Variants in KLHL1 observed in about 807,000 individuals in gnomAD.
KLHL1 encodes the protein kelch like family member 1, also known as kelch-like protein 1.
KLHL1 carries 47 observed loss-of-function variants against 77.7 expected under a neutral mutation model. The ratio of observed to expected loss-of-function variants is 0.60; its 90% CI spans 0.48 to 0.77. KLHL1 has a LOEUF of 0.77. Ranked by LOEUF, KLHL1 falls within the 30% of genes least tolerant of loss-of-function variation. The pLI is 0.00. For synonymous variants in KLHL1, 360 were observed against 325.2 expected (o/e 1.11, Z -1.15); for missense variants, 925 against 910.8 (o/e 1.02, Z -0.20).
Position 69,821,915 on chromosome 13 carries a change from C to T in KLHL1, c.1414+17061G>A, listed in dbSNP as rs115379648. On this transcript the variant is annotated intron_variant, in intron 6 of 10. Coordinates refer to ENST00000377844, the MANE Select transcript of KLHL1 (RefSeq NM_020866.3). ...TGTTCACTAGCACTAAAAACAGTGA[C>T]TAGGCCAGGCCCAGTGGCTCATGCC... Among the ~76,000 whole-genome samples the T allele has an allele frequency of 4.8e-3, 730 of 152,152 alleles. 7 individuals are homozygous for T. The highest frequency in any genetic ancestry group is 0.017 in the African/African-American group (693 of 41,518).
At chr13:69,781,525 C>CTGA (rs1279721317) in intron 7 of KLHL1, among the ~76,000 whole-genome samples, 1 of 152,122 alleles carries the variant, frequency 6.6e-6, no homozygotes, top group Non-Finnish European at 1.5e-5. Flanking sequence ...TCATATCCAT[C>CTGA]TGATTCTCAT....
chr13:70,101,483 C>G (rs1887922374), intron 1 of KLHL1, among the ~76,000 whole-genome samples: 1 of 152,156 alleles, frequency 6.6e-6, no homozygotes, highest in Non-Finnish European at 1.5e-5. Flanking sequence ...GGCTGGAGTG[C>G]AGTGGCGCGA....
chr13:69,939,105 A>G (rs2138297764), intron 4 of KLHL1, among the ~76,000 whole-genome samples: 1 of 151,522 alleles, frequency 6.6e-6, no homozygotes, highest in East Asian at 1.9e-4. Flanking sequence ...TAGCATTGAT[A>G]CAGGGCGTCT....
chr13:69,920,773 T>C (rs1266906409), intron 4 of KLHL1, among the ~76,000 whole-genome samples: 1 of 151,846 alleles, frequency 6.6e-6, no homozygotes, highest in Non-Finnish European at 1.5e-5. Flanking sequence ...TTAAGAAAAA[T>C]AAGAGAAGGT....
intron 1 of KLHL1, among the ~76,000 whole-genome samples, chr13:70,020,608 A>G (rs1452424914): frequency 6.6e-6 from 1 of 152,030 alleles, no homozygotes; most frequent in African/African-American, 2.4e-5. Context: ...GACTACCTGG[A>G]GAGCAGAAGC....
intron 1 of KLHL1, among the ~76,000 whole-genome samples, chr13:70,029,786 C>G (rs1048308980): frequency 1.3e-5 from 2 of 152,112 alleles, no homozygotes; most frequent in African/African-American, 4.8e-5. Flanking sequence ...GCTAAATGCT[C>G]CAATTAAAAG....
At chr13:69,983,606 G>C (rs892208210) in intron 1 of KLHL1, among the ~76,000 whole-genome samples, 1 of 99,060 alleles carries the variant, frequency 1.0e-5, no homozygotes, top group Non-Finnish European at 2.0e-5. Flanking sequence ...AAGAAGAAGA[G>C]AAAAAAAAAA....
At chr13:70,098,145 G>C (rs1408869167) in intron 1 of KLHL1, among the ~76,000 whole-genome samples, 1 of 151,654 alleles carries the variant, frequency 6.6e-6, no homozygotes, top group East Asian at 1.9e-4. Flanking sequence ...TAGCTCAACT[G>C]TTATGGTATG....
chr13:69,988,339 C>A (rs1489716133), intron 1 of KLHL1, among the ~76,000 whole-genome samples: 1 of 152,006 alleles, frequency 6.6e-6, no homozygotes, highest in Non-Finnish European at 1.5e-5. Context: ...GTATATGTAC[C>A]ACATTGTCTT....
chr13:70,100,382 G>T (rs940675432), intron 1 of KLHL1, among the ~76,000 whole-genome samples: 1 of 151,842 alleles, frequency 6.6e-6, no homozygotes, highest in South Asian at 2.1e-4. Flanking sequence ...ATCCTGCCAC[G>T]TTGCTAAGCT....
chr13:70,085,314 T>G (rs1887509490), intron 1 of KLHL1, among the ~76,000 whole-genome samples: 1 of 152,146 alleles, frequency 6.6e-6, no homozygotes. Flanking sequence ...TCATTTTTAT[T>G]GCATTTTAAA....
chr13:69,818,670 T>C (rs1878221314), intron 6 of KLHL1, among the ~76,000 whole-genome samples: 1 of 152,162 alleles, frequency 6.6e-6, no homozygotes, highest in Non-Finnish European at 1.5e-5. Context: ...AAATTCTTTG[T>C]GTGTGAAATG....
chr13:70,026,098 G>A (rs1487766476), intron 1 of KLHL1, among the ~76,000 whole-genome samples: 1 of 152,048 alleles, frequency 6.6e-6, no homozygotes, highest in Non-Finnish European at 1.5e-5. Context: ...CCATTTTTTA[G>A]TGTGTTAAAA....
chr13:69,791,838 C>T (rs888686702), intron 7 of KLHL1, among the ~76,000 whole-genome samples: 17 of 152,056 alleles, frequency 1.1e-4, no homozygotes, highest in African/African-American at 4.1e-4. Flanking sequence ...AAAAAGACAA[C>T]ACAGGCATAA....
chr13:69,805,494 T>C (rs1403751343), intron 6 of KLHL1, among the ~76,000 whole-genome samples: 1 of 151,652 alleles, frequency 6.6e-6, no homozygotes, highest in Non-Finnish European at 1.5e-5. Context: ...ACCTTTAAAA[T>C]CTTAGAAAAA....
chr13:69,993,135 C>T (rs1885066796), intron 1 of KLHL1, among the ~76,000 whole-genome samples: 1 of 151,936 alleles, frequency 6.6e-6, no homozygotes, highest in African/African-American at 2.4e-5. Context: ...CCCCTATTGA[C>T]TTCAATAGGA....
chr13:69,916,220 C>A (rs952878518), intron 4 of KLHL1, among the ~76,000 whole-genome samples: 3 of 152,068 alleles, frequency 2.0e-5, no homozygotes, highest in African/African-American at 7.2e-5. Context: ...TACCATTTGA[C>A]CCAGCCATCC....
At chr13:69,954,229 G>T (rs941086441) in intron 3 of KLHL1, among the ~76,000 whole-genome samples, 1 of 151,070 alleles carries the variant, frequency 6.6e-6, no homozygotes, top group African/African-American at 2.4e-5. Context: ...GCCAAAATAA[G>T]TCCTGGATAT....
intron 5 of KLHL1, among the ~76,000 whole-genome samples, chr13:69,861,676 G>T (rs915401969): frequency 2.0e-5 from 3 of 150,824 alleles, no homozygotes; most frequent in Non-Finnish European, 1.5e-5. Context: ...CAAGCCTGGC[G>T]CAGTGGCTCA....
Sources: gnomAD v4.1 joint callset for allele counts (sites outside exome capture counted in the v4.1 genomes callset) on GRCh38, gnomAD v4.1.1 for gene constraint, MANE v1.5 for transcripts, NCBI Gene and HGNC (gene_info 2026-07-23, HGNC 2026-07-21) for gene names.